The following LRP1B variants were observed in gnomAD, a reference collection of about 807,000 sequenced individuals.
LRP1B encodes the protein low-density lipoprotein receptor-related protein 1B.
In LRP1B, 217 loss-of-function variants were observed where a neutral mutation model predicts 556.6. The observed-to-expected ratio is 0.39, with a 90% CI of 0.35 to 0.44. The LOEUF is 0.44. LRP1B is among the 20% of genes least tolerant of loss of function. The pLI is 1.00. For missense variants in LRP1B, 5,053 were observed against 5,620.8 expected (o/e 0.90, Z 3.23); for synonymous variants, 2,047 against 1,865.8 (o/e 1.10, Z -2.50).
intron 1 of LRP1B, among the ~76,000 whole-genome samples, chr2:141,913,758 T>C (rs1199649110): frequency 6.6e-6 from 1 of 152,098 alleles, no homozygotes; most frequent in Non-Finnish European, 1.5e-5. Context: ...TCCTACATTT[T>C]TTTTTTAAGA....
chr2:140,759,906 A>T (rs1205479286), intron 35 of LRP1B, among the ~76,000 whole-genome samples: 1 of 152,202 alleles, frequency 6.6e-6, no homozygotes. Context: ...AGCTGTAAGC[A>T]ATTTCTTGAA....
At chr2:140,306,067 C>G (rs12692045) in intron 83 of LRP1B, among the ~76,000 whole-genome samples, 5,152 of 98,156 alleles carry the variant, frequency 0.052, 252 homozygotes, top group Non-Finnish European at 0.07. Context: ...GTATTTTATT[C>G]AGGATTTTTG....
At chr2:141,840,131 C>T (rs80097735) in intron 1 of LRP1B, among the ~76,000 whole-genome samples, 169 of 151,210 alleles carry the variant, frequency 1.1e-3, no homozygotes, top group African/African-American at 3.8e-3. Context: ...GAAATATGAA[C>T]GAGTTATTAA....
intron 1 of LRP1B, among the ~76,000 whole-genome samples, chr2:141,874,480 T>G (rs919792263): frequency 6.6e-6 from 1 of 151,964 alleles, no homozygotes; most frequent in Non-Finnish European, 1.5e-5. Context: ...TATGACTAAT[T>G]ATGATATCAG....
chr2:141,469,867 A>G (rs1682394254), intron 3 of LRP1B, among the ~76,000 whole-genome samples: 1 of 152,306 alleles, frequency 6.6e-6, no homozygotes, highest in Middle Eastern at 3.4e-3. Flanking sequence ...TCATCTGAAA[A>G]TAGGTAAATA....
intron 3 of LRP1B, among the ~76,000 whole-genome samples, chr2:141,457,733 G>T (rs1573966347): frequency 6.6e-6 from 1 of 152,196 alleles, no homozygotes. Context: ...GTAGCAGCAA[G>T]TGTCGGGGGC....
chr2:140,987,517 A>G (rs566328267), intron 17 of LRP1B, among the ~76,000 whole-genome samples: 1 of 152,284 alleles, frequency 6.6e-6, no homozygotes, highest in Non-Finnish European at 1.5e-5. Flanking sequence ...CCAATCACAA[A>G]TGCTTCTTTA....
Position 140,687,871 on chromosome 2 carries a change from CT to C in LRP1B, c.6799+12378del, listed in dbSNP as rs1173831053. ...AACCCTGAATTCACTTGTGCCCTTG[CT>C]CATTTCCACAGGTGATCTACTGTTT... On this transcript the variant is annotated intron_variant, in intron 41 of 90. Coordinates refer to ENST00000389484, the MANE Select transcript of LRP1B (RefSeq NM_018557.3). Among the ~76,000 whole-genome samples, 78 of 152,196 alleles carry C rather than the reference CT, an allele frequency of 5.1e-4. 1 individual carries two copies. The highest frequency in any genetic ancestry group is 5.1e-3 in the Admixed American group (78 of 15,286).
At chr2:140,551,081 C>T (rs536836746) in intron 43 of LRP1B, among the ~76,000 whole-genome samples, 1 of 152,232 alleles carries the variant, frequency 6.6e-6, no homozygotes, top group South Asian at 2.1e-4. Context: ...ATGCTGACAC[C>T]TTGAACTCAC....
At chr2:140,663,372 A>T (rs1685163638) in intron 41 of LRP1B, among the ~76,000 whole-genome samples, 1 of 152,208 alleles carries the variant, frequency 6.6e-6, no homozygotes, top group African/African-American at 2.4e-5. Flanking sequence ...CACATATCTG[A>T]TATAAACAGA....
intron 3 of LRP1B, among the ~76,000 whole-genome samples, chr2:141,353,559 G>A (rs1344962379): frequency 6.6e-6 from 1 of 151,816 alleles, no homozygotes; most frequent in African/African-American, 2.4e-5. Context: ...AATACGTTTT[G>A]ATCTATTATT....
At chr2:140,620,341 C>A (rs1455905264) in intron 41 of LRP1B, among the ~76,000 whole-genome samples, 1 of 152,156 alleles carries the variant, frequency 6.6e-6, no homozygotes, top group African/African-American at 2.4e-5. Flanking sequence ...TTTGCTTAGT[C>A]TGTCAGTCAG....
chr2:141,092,923 G>A (rs968337743), intron 7 of LRP1B, among the ~76,000 whole-genome samples: 5 of 152,152 alleles, frequency 3.3e-5, no homozygotes, highest in Non-Finnish European at 5.9e-5. Context: ...TGGTTTAGGA[G>A]AGAACTGGAT....
At position 141,399,695 on chromosome 2, in the gene LRP1B, C is replaced by T. The variant is rs968376249; in HGVS notation, c.343+80701G>A. Among the ~76,000 whole-genome samples the T allele has an allele frequency of 3.3e-5, 5 of 152,120 alleles. No individual in the cohort carries two copies. The South Asian group carries it at 8.3e-4, about 25-fold the overall frequency. On this transcript the variant is annotated intron_variant, in intron 3 of 90. Coordinates refer to ENST00000389484, the MANE Select transcript of LRP1B (RefSeq NM_018557.3). ...AGTGCTTAAAGACGTTCTCATTGAA[C>T]CCCCCGTTCAATTCTGAGAAGTAGA... is the stretch of plus-strand genomic sequence containing the variant.
intron 41 of LRP1B, among the ~76,000 whole-genome samples, chr2:140,645,481 A>T (rs1684445572): frequency 1.5e-5 from 2 of 132,006 alleles, no homozygotes; most frequent in Admixed American, 7.6e-5. Context: ...GTAAGAAATT[A>T]TTCTTTCTTT....
intron 3 of LRP1B, among the ~76,000 whole-genome samples, chr2:141,420,830 C>T (rs1195649690): frequency 6.6e-6 from 1 of 152,186 alleles, no homozygotes; most frequent in Non-Finnish European, 1.5e-5. Flanking sequence ...CTTGTTTCAT[C>T]AGTGCTCATG....
chr2:140,900,009 A>C lies in LRP1B; in HGVS notation c.3766+2911T>G, dbSNP rs542234165. 3.3e-5 allele frequency among the ~76,000 whole-genome samples: 5 copies of C among 152,306 alleles called. No individual in the cohort carries two copies. The East Asian group carries it at 9.7e-4, about 29-fold the overall frequency. Reference sequence around the variant, plus strand: ...AAAAACAAAAAACTATGATCAAATAAATTTGCTATGATTTTCTCTTGTTAA... The same window carrying C: ...AAAAACAAAAAACTATGATCAAATACATTTGCTATGATTTTCTCTTGTTAA... On this transcript the variant is annotated intron_variant, in intron 23 of 90. Coordinates refer to ENST00000389484, the MANE Select transcript of LRP1B (RefSeq NM_018557.3).
chr2:141,412,526 C>G (rs1207840359), intron 3 of LRP1B, among the ~76,000 whole-genome samples: 1 of 151,912 alleles, frequency 6.6e-6, no homozygotes, highest in Admixed American at 6.6e-5. Context: ...TAGTCATAAT[C>G]AAGTATTATA....
intron 41 of LRP1B, among the ~76,000 whole-genome samples, chr2:140,625,103 C>T (rs1033274322): frequency 1.3e-5 from 2 of 152,092 alleles, no homozygotes; most frequent in African/African-American, 4.8e-5. Flanking sequence ...AGGGTTTTAA[C>T]CAAACTATGA....
Sources: gnomAD v4.1 joint callset for allele counts (sites outside exome capture counted in the v4.1 genomes callset) on GRCh38, gnomAD v4.1.1 for gene constraint, MANE v1.5 for transcripts, NCBI Gene and HGNC (gene_info 2026-07-23, HGNC 2026-07-21) for gene names.